Variants in DPY19L3 observed in about 807,000 individuals in gnomAD.
DPY19L3 encodes the protein protein C-mannosyl-transferase DPY19L3.
In DPY19L3, 51 loss-of-function variants were observed where a neutral mutation model predicts 92.3. The ratio of observed to expected loss-of-function variants is 0.55; its 90% CI spans 0.44 to 0.70. DPY19L3 has a LOEUF of 0.70. Ranked by LOEUF, DPY19L3 falls within the 30% of genes least tolerant of loss-of-function variation. The probability of loss-of-function intolerance (pLI) is 0.00; values close to 1 mark genes in which losing one functional copy is unlikely to be tolerated. For synonymous variants in DPY19L3, 309 were observed against 315.2 expected (o/e 0.98, Z 0.21); for missense variants, 706 against 855.9 (o/e 0.82, Z 2.18).
intron 8 of DPY19L3, among the ~76,000 whole-genome samples, chr19:32,444,722 A>G (rs538534361): frequency 1.3e-5 from 2 of 152,258 alleles, no homozygotes; most frequent in Admixed American, 1.3e-4. Flanking sequence ...TAAAAAATTG[A>G]AAGTAGTCAG....
intron 9 of DPY19L3, 83 bp from the exon 10 acceptor site, chr19:32,454,856 A>T: frequency 1.1e-6 from 1 of 912,252 alleles, no homozygotes; most frequent in Non-Finnish European, 1.7e-6. Context: ...CAGTGTTTTT[A>T]AATCCTTAAG....
chr19:32,454,618 C>T (rs1333175368), intron 9 of DPY19L3, among the ~76,000 whole-genome samples: 7 of 152,086 alleles, frequency 4.6e-5, no homozygotes, highest in Non-Finnish European at 8.8e-5. Flanking sequence ...TTTGTTCAGT[C>T]AGCGTATCCT....
At chr19:32,463,303 T>C in intron 12 of DPY19L3, 63 bp from the exon 13 acceptor site, 1 of 1,566,568 alleles carries the variant, frequency 6.4e-7, no homozygotes, top group Non-Finnish European at 8.7e-7. Flanking sequence ...TCTTCTTCTT[T>C]TACAAAGATC....
intron 16 of DPY19L3, among the ~76,000 whole-genome samples, chr19:32,474,583 TTAAG>T (rs1970450749): frequency 6.6e-6 from 1 of 150,690 alleles, no homozygotes. Context: ...ATGGGAGCTG[TTAAG>T]TAAGCTTTTT....
intron 16 of DPY19L3, among the ~76,000 whole-genome samples, chr19:32,470,198 A>G (rs531020775): frequency 6.6e-6 from 1 of 152,360 alleles, no homozygotes; most frequent in South Asian, 2.1e-4. Context: ...CTTTGTCTTT[A>G]TTTAATTTTA....
At chr19:32,454,859 T>A in intron 9 of DPY19L3, 80 bp from the exon 10 acceptor site, 1 of 931,544 alleles carries the variant, frequency 1.1e-6, no homozygotes, top group Non-Finnish European at 1.6e-6. Context: ...TGTTTTTAAA[T>A]CCTTAAGTAA....
In DPY19L3 at chr19:32,480,527, C is replaced by T. The variant is rs536118263; in HGVS notation, c.1959C>T (p.Leu653=). Residue 653 remains leucine, a synonymous_variant, in exon 18 of 19, where the codon CTC becomes CTT. Coordinates refer to ENST00000392250, the MANE Select transcript of DPY19L3 (RefSeq NM_001172774.2). ...YERRHRRGCR[L]RDLLDIANGH... ...GGAGGCACCGCCGGGGCTGCCGACTCCGGGACCTGCTGGACATTGCCAACG... is the reference window on the plus strand; with the variant it reads ...GGAGGCACCGCCGGGGCTGCCGACTTCGGGACCTGCTGGACATTGCCAACG... 10 of 1,613,726 alleles carry T rather than the reference C, an allele frequency of 6.2e-6. No homozygotes were observed. The East Asian group carries it at 2.0e-4, about 32-fold the overall frequency.
chr19:32,419,594 C>T (rs1968496161), intron 3 of DPY19L3, among the ~76,000 whole-genome samples: 1 of 151,756 alleles, frequency 6.6e-6, no homozygotes, highest in South Asian at 2.1e-4. Context: ...CAAGTGGTGC[C>T]AGCTAATTTT....
intron 8 of DPY19L3, among the ~76,000 whole-genome samples, chr19:32,448,110 A>G (rs1969577182): frequency 6.6e-6 from 1 of 152,086 alleles, no homozygotes; most frequent in Non-Finnish European, 1.5e-5. Flanking sequence ...TACACAAATA[A>G]AATGTGTAAA....
rs775287403 is a variant in DPY19L3, at chr19:32,439,185, A to G, written c.670A>G (p.Ile224Val). 10 of 1,613,770 alleles carry G rather than the reference A, an allele frequency of 6.2e-6. No homozygotes were observed. The South Asian group carries it at 7.7e-5, about 12-fold the overall frequency. ...GGCGCTGCCATTCTTTGCAATTCAGATAGCAGCAATTACATATTTCCTGAG... is the reference window on the plus strand; with the variant it reads ...GGCGCTGCCATTCTTTGCAATTCAGGTAGCAGCAATTACATATTTCCTGAG... ...NWALPFFAIQ[I>V]AAITYFLRPN... is the part of the protein sequence containing the mutation. Residue 224 changes from isoleucine to valine, a missense_variant, in exon 7 of 19, where the codon ATA (isoleucine) becomes GTA (valine). Physicochemically the swap from Ile to Val is conservative, Grantham distance 29. Transcript: ENST00000392250.
intron 18 of DPY19L3, chr19:32,481,537 C>T (rs368478984): frequency 1.3e-5 from 2 of 152,274 alleles, no homozygotes; most frequent in East Asian, 1.9e-4. Context: ...ACTTCAGCCT[C>T]CCAAGTAGCT....
At chr19:32,463,229 C>T (rs978909073) in intron 12 of DPY19L3, 137 bp from the exon 13 acceptor site, 12 of 961,578 alleles carry the variant, frequency 1.2e-5, no homozygotes, top group South Asian at 6.4e-5. Flanking sequence ...TTGATCAATG[C>T]GAATTCATTT....
intron 8 of DPY19L3, among the ~76,000 whole-genome samples, chr19:32,449,693 G>T (rs1969633666): frequency 6.6e-6 from 1 of 152,154 alleles, no homozygotes; most frequent in African/African-American, 2.4e-5. Context: ...TTCAACAAAT[G>T]GTGCAGGAAT....
intron 1 of DPY19L3, among the ~76,000 whole-genome samples, chr19:32,407,121 C>T (rs1967986702): frequency 6.6e-6 from 1 of 151,658 alleles, no homozygotes; most frequent in Non-Finnish European, 1.5e-5. Flanking sequence ...TGTCAGGCTA[C>T]TAGTCACATT....
At chr19:32,427,580 C>CG (rs1968809323) in intron 3 of DPY19L3, among the ~76,000 whole-genome samples, 1 of 152,150 alleles carries the variant, frequency 6.6e-6, no homozygotes, top group Non-Finnish European at 1.5e-5. Flanking sequence ...AATAGTAGTA[C>CG]GGTAGTGCTA....
At position 32,408,411 on chromosome 19, in the gene DPY19L3, A is replaced by G. The variant is rs1968058734; in HGVS notation, c.103+55A>G. On this transcript the variant is annotated intron_variant, in intron 2 of 18. Coordinates refer to ENST00000392250, the MANE Select transcript of DPY19L3 (RefSeq NM_001172774.2). Reference sequence around the variant, plus strand: ...GGGTTGCTTTTATTTCTGCATATTAAAATGTCACTCTCCAATAGGATAAAA... The same window carrying G: ...GGGTTGCTTTTATTTCTGCATATTAGAATGTCACTCTCCAATAGGATAAAA... 3.8e-6 allele frequency: 5 copies of G among 1,309,000 alleles called. No homozygotes were observed. The Admixed American group carries it at 5.6e-5, about 15-fold the overall frequency. The allele number at this position is 1,309,000 out of a possible 1,614,324, so 81.1% of individuals were successfully genotyped here.
chr19:32,446,627 A>G (rs1161107857), intron 8 of DPY19L3, among the ~76,000 whole-genome samples: 2 of 152,248 alleles, frequency 1.3e-5, no homozygotes, highest in Non-Finnish European at 2.9e-5. Flanking sequence ...AGAACAGAAC[A>G]TTATATAATG....
intron 4 of DPY19L3, 73 bp from the exon 5 acceptor site, chr19:32,436,373 C>G: frequency 8.6e-7 from 1 of 1,163,844 alleles, no homozygotes; most frequent in Non-Finnish European, 1.2e-6. Flanking sequence ...ACTAAACAAT[C>G]TGTGCATAGT....
In DPY19L3 at chr19:32,457,595, G is replaced by A. The variant is rs530068818; in HGVS notation, c.1090-505G>A. On this transcript the variant is annotated intron_variant, in intron 10 of 18. Coordinates refer to ENST00000392250, the MANE Select transcript of DPY19L3 (RefSeq NM_001172774.2). Reference sequence around the variant, plus strand: ...AGTTAAAATTGTAATCACTAATGATGAACACTCATATTTGTCTGTCCACCC... The same window carrying A: ...AGTTAAAATTGTAATCACTAATGATAAACACTCATATTTGTCTGTCCACCC... Among the ~76,000 whole-genome samples, 18 of 152,272 alleles carry A rather than the reference G, an allele frequency of 1.2e-4. No homozygotes were observed. The South Asian group carries it at 3.5e-3, about 30-fold the overall frequency.
Sources: allele counts gnomAD v4.1 joint callset (sites outside exome capture counted in the v4.1 genomes callset), GRCh38; gene constraint gnomAD v4.1.1; transcripts MANE v1.5; gene names NCBI Gene and HGNC (gene_info 2026-07-23, HGNC 2026-07-21).